Variants in NOTCH3 observed in about 807,000 individuals in gnomAD.
The protein encoded by NOTCH3 is notch receptor 3.
NOTCH3 carries 86 observed loss-of-function variants against 213.3 expected under a neutral mutation model. That is an observed-to-expected ratio of 0.40 (90% CI 0.34 to 0.48). The LOEUF (loss-of-function observed/expected upper bound fraction) is 0.48, where lower values mean the gene tolerates loss of function less well. Ranked by LOEUF, NOTCH3 falls within the 20% of genes least tolerant of loss-of-function variation. NOTCH3 has a pLI of 0.57. For missense variants in NOTCH3, 2,783 were observed against 3,272.6 expected (o/e 0.85, Z 3.65); for synonymous variants, 1,354 against 1,355.9 (o/e 1.00, Z 0.03).
At position 15,174,076 on chromosome 19, in the gene NOTCH3, C is replaced by T. The variant is rs557113034; in HGVS notation, c.4728G>A (p.Glu1576=). The T allele has an allele frequency of 6.3e-7, 1 of 1,579,558 alleles. No homozygotes were observed. Among genetic ancestry groups the T allele is most frequent in the African/African-American group, 1.3e-5 (1 of 74,184 alleles). The change falls in exon 25 of 33, where the codon GAG becomes GAA. Residue 1576 remains glutamate, a synonymous_variant. Transcript: ENST00000263388. ...EPRARRELAP[E]VIGSVVMLEI... is the part of the protein sequence containing the mutation. ...CAGGTGGGGTCACTCACCCGATCAC[C>T]TCGGGGGCCAGCTCCCGACGGGCCC...
In NOTCH3 at chr19:15,174,095, C is replaced by A. The variant is rs1469453455; in HGVS notation, c.4709G>T (p.Arg1570Leu). 11 of 1,589,058 alleles carry A rather than the reference C, an allele frequency of 6.9e-6. No homozygotes were observed. Among genetic ancestry groups the A allele is most frequent in the Non-Finnish European group, 8.6e-6 (10 of 1,163,692 alleles). ...GATCACCTCGGGGGCCAGCTCCCGA[C>A]GGGCCCGGGGTTCGGAGCCAGGACT... ...RPSPGSEPRA[R>L]RELAPEVIGS... Residue 1570 changes from arginine to leucine, a missense_variant, in exon 25 of 33, where the codon CGT (arginine) becomes CTT (leucine). Transcript: ENST00000263388.
rs1415571753 is a variant in NOTCH3, at chr19:15,186,917, T to C, written c.1912A>G (p.Ile638Val). 1.9e-6 allele frequency: 3 copies of C among 1,614,094 alleles called. No homozygotes were observed. In the African/African-American group the frequency reaches 4.0e-5, roughly 22 times the overall value. The stretch of plus-strand genomic sequence containing the variant: ...TGGCAGACACAGTCGTAGCGGTTGA[T>C]GCCATCACGGCAGACTCCAAAGGTG... The part of the protein sequence containing the change: ...PCTFGVCRDG[I>V]NRYDCVCQPG... Residue 638 changes from isoleucine (I) to valine (V), a missense_variant, in exon 12 of 33, where the codon ATC (isoleucine) becomes GTC (valine). Physicochemically the swap from Ile to Val is conservative, Grantham distance 29. Around this residue, in one of 6 missense-constraint regions of NOTCH3, gnomAD observed 708 missense variants for 906.6 expected, o/e 0.78. Transcript: ENST00000263388.
chr19:15,185,189 T>C lies in NOTCH3; in HGVS notation c.2296+68A>G. The C allele has an allele frequency of 2.6e-6, 4 of 1,557,590 alleles. No individual in the cohort carries two copies. The highest frequency in any genetic ancestry group is 2.8e-5 in the African/African-American group (2 of 71,168). The stretch of plus-strand genomic sequence containing the variant: ...AAGCTAACATAGCGGGAGGAGAGAG[T>C]AGAGGAGAAGAGAGATGAGAAGGCC... On this transcript the variant is annotated intron_variant, in intron 14 of 32. Transcript: ENST00000263388. The surrounding 1 kb of genome is among the most constrained non-coding windows in gnomAD (Gnocchi z 4.2).
Position 15,188,321 on chromosome 19 carries a change from TC to T in NOTCH3, c.1405del (p.Asp469ThrfsTer130). Reference protein sequence around the residue: ...AGFTGTYCEVDIDECQSSPCV... With the variant: ...AGFTGTYCEVXIDECQSSPCV... ...GGGGCTACTCTGACACTCGTCAATG[TC>T]CACCTCGCAATAGGTTCCTGTGAAG... On this transcript the variant is annotated frameshift_variant, in exon 9 of 33. Transcript: ENST00000263388. LOFTEE classifies it high-confidence loss of function. 1 of 1,604,940 alleles carries T rather than the reference TC, an allele frequency of 6.2e-7. No homozygotes were observed. Among genetic ancestry groups the T allele is most frequent in the Non-Finnish European group, 8.5e-7 (1 of 1,175,262 alleles).
At chr19:15,200,759 G>T (rs1237679066) in intron 1 of NOTCH3, 29 bp downstream of exon 1, 2 of 1,273,006 alleles carry the variant, frequency 1.6e-6, no homozygotes, top group African/African-American at 1.5e-5. Context: ...TGCCGCCCTC[G>T]TCCCATCCGC....
intron 6 of NOTCH3, among the ~76,000 whole-genome samples, chr19:15,189,808 C>T (rs111625771): frequency 3.9e-5 from 6 of 152,080 alleles, no homozygotes; most frequent in Non-Finnish European, 8.8e-5. Flanking sequence ...CGTGAGCCAC[C>T]GCGCCCGGCC....
At position 15,177,812 on chromosome 19, in the gene NOTCH3, G is replaced by C; in HGVS notation, c.4116C>G (p.Cys1372Trp). 1 of 1,258,212 alleles carries C rather than the reference G, an allele frequency of 7.9e-7. No homozygotes were observed. The highest frequency in any genetic ancestry group is 9.9e-7 in the Non-Finnish European group (1 of 1,007,130). 77.9% of individuals were successfully genotyped at this position (1,258,212 alleles called of 1,614,324 possible). A position where few individuals can be genotyped will look rare whatever the true frequency, so the allele number is the denominator to read the frequency against. ...CCTCGGGTGCCGCGGCGGGCGCCTCGCAGCGCGGCCCGGTCCAGCCCTGCG... is the reference window on the plus strand; with the variant it reads ...CCTCGGGTGCCGCGGCGGGCGCCTCCCAGCGCGGCCCGGTCCAGCCCTGCG... Reference protein sequence around the residue: ...ACAQGWTGPRCEAPAAAPEVS... With the variant: ...ACAQGWTGPRWEAPAAAPEVS... The change falls in exon 24 of 33, where the codon TGC becomes TGG. Residue 1372 changes from cysteine (C) to tryptophan (W), a missense_variant. Transcript: ENST00000263388.
intron 16 of NOTCH3, among the ~76,000 whole-genome samples, chr19:15,183,879 C>A (rs977846250): frequency 6.6e-6 from 1 of 151,650 alleles, no homozygotes; most frequent in South Asian, 2.1e-4. Context: ...GGCGAAACTC[C>A]GTCTCTACAA....
chr19:15,179,985 C>A, intron 20 of NOTCH3, 87 bp downstream of exon 20: 1 of 898,164 alleles, frequency 1.1e-6, no homozygotes. Flanking sequence ...TAGAGACATA[C>A]CCATACCAAG....
In NOTCH3 at chr19:15,191,891, G is replaced by A. The variant is rs777852565; in HGVS notation, c.680-24C>T. The A allele has an allele frequency of 6.2e-6, 10 of 1,613,744 alleles. No individual in the cohort carries two copies. In the African/African-American group the frequency reaches 1.2e-4, roughly 19 times the overall value. On this transcript the variant is annotated intron_variant, in intron 4 of 32. Coordinates refer to ENST00000263388, the MANE Select transcript of NOTCH3 (RefSeq NM_000435.3). ...CCCTAGCAGGGAAGGGGGCAAGGAT[G>A]GTCACCGCCGGGCTGGCCTGCTGTC...
In NOTCH3 at chr19:15,179,430, G is replaced by T; in HGVS notation, c.3394C>A (p.Gln1132Lys). The T allele has an allele frequency of 6.2e-7, 1 of 1,614,088 alleles. No individual in the cohort carries two copies. ...DVDECASQPC[Q>K]HGGSCIDLVA... Reference sequence around the variant, plus strand: ...AGGTCAATGCATGAACCCCCGTGCTGGCAGGGCTGGGAGGCACACTCGTCC... The same window carrying T: ...AGGTCAATGCATGAACCCCCGTGCTTGCAGGGCTGGGAGGCACACTCGTCC... Residue 1132 changes from glutamine to lysine, a missense_variant, in exon 21 of 33, where the codon CAG becomes AAG. Gln to Lys is a moderately conservative substitution (Grantham distance 53). Transcript: ENST00000263388.
At chr19:15,197,258 G>A (rs1057138193) in intron 2 of NOTCH3, among the ~76,000 whole-genome samples, 5 of 152,162 alleles carry the variant, frequency 3.3e-5, no homozygotes, top group African/African-American at 4.8e-5. Context: ...ACACTGAGAT[G>A]TAAAGAGTTT....
In NOTCH3 at chr19:15,172,594, T is replaced by G. The variant is rs72992078; in HGVS notation, c.4736+1474A>C. ...CCCCTCTCAGGTCTCTGCCTTCTCC[T>G]CAACAATAGCTACACCTCCCTTCTG... On this transcript the variant is annotated intron_variant, in intron 25 of 32. Transcript: ENST00000263388. Among the ~76,000 whole-genome samples, 491 of 151,228 alleles carry G rather than the reference T, an allele frequency of 3.2e-3. 1 individual carries two copies. The highest frequency in any genetic ancestry group is 5.9e-3 in the Non-Finnish European group (397 of 67,828).
In NOTCH3 at chr19:15,192,045, C is replaced by G. The variant is rs780503776; in HGVS notation, c.594G>C (p.Ala198=). The G allele has an allele frequency of 6.2e-7, 1 of 1,613,086 alleles. No individual in the cohort carries two copies. The part of the protein sequence containing the change: ...GYTGPLCENP[A]VPCAPSPCRN... ...GGCATGGTGAGGGTGCACAGGGCACCGCGGGGTTCTCACATAGTGGCCCTG... is the reference window on the plus strand; with the variant it reads ...GGCATGGTGAGGGTGCACAGGGCACGGCGGGGTTCTCACATAGTGGCCCTG... Residue 198 remains alanine, a synonymous_variant, in exon 4 of 33, where the codon GCG becomes GCC. Transcript: ENST00000263388.
Position 15,161,420 on chromosome 19 carries a change from C to G in NOTCH3, c.6208G>C (p.Ala2070Pro), listed in dbSNP as rs752866856. The G allele has an allele frequency of 2.9e-5, 45 of 1,531,010 alleles. No individual in the cohort carries two copies. The highest frequency in any genetic ancestry group is 3.9e-5 in the Non-Finnish European group (44 of 1,137,712). 94.8% of individuals were successfully genotyped at this position (1,531,010 alleles called of 1,614,324 possible). ...SKKSRRPPGK[A>P]GLGPQGPRGR... ...CGGGGCCCCTGCGGCCCCAGCCCCG[C>G]CTTCCCGGGGGGCCTCCTGCTCTTC... The change falls in exon 33 of 33, where the codon GCG (alanine) becomes CCG (proline). Residue 2070 changes from alanine (A) to proline (P), a missense_variant. Coordinates refer to ENST00000263388, the MANE Select transcript of NOTCH3 (RefSeq NM_000435.3).
At chr19:15,175,756 C>T (rs1233699229) in intron 24 of NOTCH3, among the ~76,000 whole-genome samples, 1 of 150,768 alleles carries the variant, frequency 6.6e-6, no homozygotes, top group African/African-American at 2.4e-5. Flanking sequence ...AGGGAGGAGC[C>T]ATGTGGGGGA....
At position 15,170,189 on chromosome 19, in the gene NOTCH3, A is replaced by G; in HGVS notation, c.5115-19T>C. Reference sequence around the variant, plus strand: ...CATGTTCCTGGCGGACAATGGGAAGAGGGGATGTGAGGGGGACACTAGAGG... The same window carrying G: ...CATGTTCCTGGCGGACAATGGGAAGGGGGGATGTGAGGGGGACACTAGAGG... On this transcript the variant is annotated intron_variant, in intron 27 of 32. Coordinates refer to ENST00000263388, the MANE Select transcript of NOTCH3 (RefSeq NM_000435.3). 5 of 1,562,662 alleles carry G rather than the reference A, an allele frequency of 3.2e-6. No homozygotes were observed. The highest frequency in any genetic ancestry group is 1.3e-5 in the African/African-American group (1 of 74,240).
intron 1 of NOTCH3, among the ~76,000 whole-genome samples, chr19:15,199,341 CTGTG>C (rs1484632219): frequency 2.6e-5 from 4 of 152,184 alleles, no homozygotes; most frequent in Non-Finnish European, 5.9e-5. Flanking sequence ...TGTTGTGCGT[CTGTG>C]TATGTGAACC....
At chr19:15,187,813 G>T in intron 10 of NOTCH3, 68 bp downstream of exon 10, 1 of 1,297,794 alleles carries the variant, frequency 7.7e-7, no homozygotes, top group Non-Finnish European at 1.1e-6. Context: ...CCCCAAGTCT[G>T]TTATTGGCCC....
Sources: allele counts gnomAD v4.1 joint callset (sites outside exome capture counted in the v4.1 genomes callset), GRCh38; gene constraint gnomAD v4.1.1; regional missense constraint gnomAD v4.1.1; non-coding constraint Gnocchi (gnomAD v3.1); transcripts MANE v1.5; gene names NCBI Gene and HGNC (gene_info 2026-07-23, HGNC 2026-07-21).